The following ELP3 variants were observed in gnomAD, a reference collection of about 807,000 sequenced individuals.
The protein encoded by ELP3 is elongator acetyltransferase complex subunit 3, also known as elongator complex protein 3.
A neutral mutation model predicts 74.9 loss-of-function variants in ELP3; 56 were observed. The observed-to-expected ratio is 0.75, with a 90% confidence interval of 0.60 to 0.93. ELP3 has a LOEUF of 0.93. Ranked by LOEUF, ELP3 falls within the 40% of genes least tolerant of loss-of-function variation. The pLI is 0.00. For missense variants in ELP3, 573 were observed against 686.5 expected, an observed-to-expected ratio of 0.83 and a Z score of 1.85; for synonymous variants, 222 against 239.8, an observed-to-expected ratio of 0.93 and a Z score of 0.68.
chr8:28,118,723 G>A (rs1812232420), intron 7 of ELP3, among the ~76,000 whole-genome samples: 1 of 152,120 alleles, frequency 6.6e-6, no homozygotes, highest in Admixed American at 6.5e-5. Flanking sequence ...TTTTTAATCA[G>A]CTTTGCCCAG....
intron 14 of ELP3, among the ~76,000 whole-genome samples, chr8:28,187,720 T>C (rs1815295464): frequency 1.3e-5 from 2 of 152,164 alleles, no homozygotes; most frequent in Non-Finnish European, 1.5e-5. Flanking sequence ...CAACTGGCAG[T>C]GGAGTGGCCA....
intron 14 of ELP3, among the ~76,000 whole-genome samples, chr8:28,174,217 G>A (rs59345370): frequency 6.6e-6 from 1 of 151,804 alleles, no homozygotes; most frequent in Non-Finnish European, 1.5e-5. Context: ...TCTTAATGTA[G>A]AACTATTTAT....
chr8:28,093,096 C>A (rs937633058), upstream of ELP3: 55 of 1,512,442 alleles, frequency 3.6e-5, no homozygotes, highest in Middle Eastern at 1.2e-3. Context: ...AAGAGCTTTA[C>A]GATACATTGA....
intron 14 of ELP3, among the ~76,000 whole-genome samples, chr8:28,185,468 T>G (rs1026412069): frequency 2.0e-5 from 3 of 152,236 alleles, no homozygotes; most frequent in Non-Finnish European, 4.4e-5. Flanking sequence ...ACACTGATGA[T>G]AGAAGCCATT....
At chr8:28,158,700 A>G (rs1813943812) in intron 12 of ELP3, 67 bp downstream of exon 12, 2 of 1,304,542 alleles carry the variant, frequency 1.5e-6, no homozygotes, top group Non-Finnish European at 2.2e-6. Context: ...CTGGGCCCAC[A>G]TATTCTTAAC....
intron 14 of ELP3, among the ~76,000 whole-genome samples, chr8:28,188,704 T>G (rs539675361): frequency 5.3e-5 from 8 of 152,230 alleles, no homozygotes; most frequent in African/African-American, 7.2e-5. Context: ...CACTTGTATC[T>G]TTTATCATAT....
chr8:28,139,366 G>T (rs1019283025), intron 10 of ELP3, among the ~76,000 whole-genome samples: 2 of 152,170 alleles, frequency 1.3e-5, no homozygotes, highest in Non-Finnish European at 2.9e-5. Flanking sequence ...GAGCACTGTG[G>T]TGTTTTGGAA....
intron 13 of ELP3, among the ~76,000 whole-genome samples, 169 bp downstream of exon 13, chr8:28,160,625 A>C (rs983817098): frequency 6.6e-6 from 1 of 152,220 alleles, no homozygotes; most frequent in Admixed American, 6.5e-5. Flanking sequence ...TTTTCTCTCC[A>C]AATTGTATCC....
chr8:28,180,481 T>C (rs1814961979), intron 14 of ELP3, among the ~76,000 whole-genome samples: 1 of 152,238 alleles, frequency 6.6e-6, no homozygotes, highest in African/African-American at 2.4e-5. Flanking sequence ...TCTTTTAATG[T>C]TTCCAGTTGT....
chr8:28,186,529 C>A (rs548768002), intron 14 of ELP3, among the ~76,000 whole-genome samples: 1 of 152,106 alleles, frequency 6.6e-6, no homozygotes, highest in South Asian at 2.1e-4. Context: ...GAAAAGAGAC[C>A]GTCCCTAAGT....
chr8:28,150,134 T>G (rs957382866), intron 10 of ELP3, among the ~76,000 whole-genome samples: 1 of 152,218 alleles, frequency 6.6e-6, no homozygotes, highest in Non-Finnish European at 1.5e-5. Flanking sequence ...TCATTTCACT[T>G]AAATACATGC....
rs144470909 is a variant in ELP3 at position 28,121,720 on chromosome 8, T to G, written c.618-7782T>G. The stretch of plus-strand genomic sequence containing the variant: ...ATAAGACCTTACTAAATTCACTACT[T>G]AATTCTAAAAGCTATTTTTGTAAAT... On this transcript the variant is annotated intron_variant, in intron 7 of 14. Transcript: ENST00000256398. Among the ~76,000 whole-genome samples, 123 of 152,362 alleles carry G rather than the reference T, an allele frequency of 8.1e-4. 1 individual carries two copies. The East Asian group carries it at 0.018, about 23-fold the overall frequency.
At chr8:28,117,048 T>C (rs1369322719) in intron 7 of ELP3, among the ~76,000 whole-genome samples, 1 of 152,142 alleles carries the variant, frequency 6.6e-6, no homozygotes, top group East Asian at 1.9e-4. Context: ...CTTATATACT[T>C]CTGTACTCAT....
At chr8:28,141,360 T>G (rs1342895262) in intron 10 of ELP3, among the ~76,000 whole-genome samples, 1 of 152,220 alleles carries the variant, frequency 6.6e-6, no homozygotes, top group African/African-American at 2.4e-5. Flanking sequence ...AGAAACATTC[T>G]AAAACATAAC....
At chr8:28,171,441 A>C (rs1448491780) in intron 14 of ELP3, among the ~76,000 whole-genome samples, 1 of 151,962 alleles carries the variant, frequency 6.6e-6, no homozygotes, top group Non-Finnish European at 1.5e-5. Context: ...AATGATGTTG[A>C]ATGTCTTTGT....
chr8:28,106,539 CAAAAA>C (rs61714722), intron 3 of ELP3, among the ~76,000 whole-genome samples, 169 bp from the exon 4 acceptor site: 7 of 112,732 alleles, frequency 6.2e-5, no homozygotes, highest in East Asian at 2.1e-4. Flanking sequence ...GACTCCGTCT[CAAAAA>C]AAAAAAAAAA....
intron 7 of ELP3, among the ~76,000 whole-genome samples, chr8:28,121,174 A>G (rs1322708844): frequency 2.0e-5 from 3 of 152,086 alleles, no homozygotes; most frequent in East Asian, 3.8e-4. Context: ...CTCCTTGTAT[A>G]CTTAGGTTTT....
rs752263926 is a variant in ELP3, at chr8:28,129,594, C to A, written c.710C>A (p.Thr237Asn). The change falls in exon 8 of 15, where the codon ACC becomes AAC. Residue 237 changes from threonine to asparagine, a missense_variant. Thr to Asn is a moderately conservative substitution (Grantham distance 65, BLOSUM62 0). Transcript: ENST00000256398. ...CMKRHLSDML[T>N]YGCTRLEIGV... ...AAGCGACATTTAAGTGACATGTTGA[C>A]CTATGGCTGCACAAGGCTGGAGATT... is the stretch of plus-strand genomic sequence containing the variant. The A allele has an allele frequency of 4.3e-6, 7 of 1,614,010 alleles. No individual in the cohort carries two copies. The highest frequency in any genetic ancestry group is 5.9e-6 in the Non-Finnish European group (7 of 1,180,012).
intron 9 of ELP3, among the ~76,000 whole-genome samples, chr8:28,134,763 T>C (rs1414358424): frequency 6.6e-6 from 1 of 152,200 alleles, no homozygotes; most frequent in Non-Finnish European, 1.5e-5. Context: ...TCTTTTCTTA[T>C]CTCTCTGAAG....
Sources: allele counts gnomAD v4.1 joint callset (sites outside exome capture counted in the v4.1 genomes callset), GRCh38; gene constraint gnomAD v4.1.1; transcripts MANE v1.5; gene names NCBI Gene and HGNC (gene_info 2026-07-23, HGNC 2026-07-21).